The following NCAM1 variants were observed in gnomAD, a reference collection of about 807,000 sequenced individuals.
NCAM1 encodes neural cell adhesion molecule 1, also known as antigen recognized by monoclonal antibody 5.1H11.
NCAM1 carries 14 observed loss-of-function variants against 109.8 expected under a neutral mutation model. The observed-to-expected ratio is 0.13, with a 90% CI of 0.08 to 0.20. The LOEUF (loss-of-function observed/expected upper bound fraction) is 0.20. NCAM1 is among the 10% of genes least tolerant of loss of function. The pLI, the probability that NCAM1 is intolerant of heterozygous loss-of-function variation, is 1.00. For missense variants in NCAM1, 774 were observed against 1,109.9 expected (o/e 0.70, Z 4.30); for synonymous variants, 418 against 442.9 (o/e 0.94, Z 0.70).
At chr11:113,244,658 T>C (rs61902541) in intron 14 of NCAM1, among the ~76,000 whole-genome samples, 11 of 7,484 alleles carry the variant, frequency 1.5e-3, no homozygotes, top group East Asian at 7.5e-3. Flanking sequence ...TGTGTGCGTG[T>C]GTGTGTGTGT....
intron 1 of NCAM1, among the ~76,000 whole-genome samples, chr11:113,091,958 T>C (rs1463826164): frequency 2.6e-5 from 4 of 151,992 alleles, no homozygotes; most frequent in Non-Finnish European, 5.9e-5. Flanking sequence ...CAATTCTTTC[T>C]TAAGTAAAGA....
At chr11:113,039,632 A>G (rs563119614) in intron 1 of NCAM1, among the ~76,000 whole-genome samples, 1 of 152,250 alleles carries the variant, frequency 6.6e-6, no homozygotes, top group African/African-American at 2.4e-5. Flanking sequence ...TCAGCGTCAG[A>G]CCCTGGAGAA....
At chr11:113,104,061 T>G (rs1334843147) in intron 1 of NCAM1, among the ~76,000 whole-genome samples, 1 of 151,998 alleles carries the variant, frequency 6.6e-6, no homozygotes, top group East Asian at 1.9e-4. Flanking sequence ...CAAGTCCCCT[T>G]CTGATCTCTT....
chr11:113,215,359 G>T (rs961954554), intron 8 of NCAM1, among the ~76,000 whole-genome samples: 1 of 152,138 alleles, frequency 6.6e-6, no homozygotes, highest in Admixed American at 6.5e-5. Flanking sequence ...GTAGTAATGG[G>T]CTTTGTTTTA....
rs1555126373 is a variant in NCAM1 at position 113,275,375 on chromosome 11, G to A, written c.2565G>A (p.Glu855=). The A allele has an allele frequency of 1.9e-6, 3 of 1,612,900 alleles. No homozygotes were observed. The Admixed American group carries it at 5.0e-5, about 27-fold the overall frequency. ...ACGCCACACAGACAAAGGAGAACGA[G>A]AGCAAAGCATGATGGGTGAAGAGAA... The part of the protein sequence containing the change: ...PNDATQTKEN[E]SKA The change falls in exon 20 of 20, where the codon GAG becomes GAA. Residue 855 remains glutamate, a synonymous_variant. Coordinates refer to ENST00000316851, the MANE Select transcript of NCAM1 (RefSeq NM_181351.5).
intron 1 of NCAM1, among the ~76,000 whole-genome samples, chr11:113,065,846 A>G (rs1372616560): frequency 1.3e-5 from 2 of 152,252 alleles, no homozygotes; most frequent in African/African-American, 2.4e-5. Context: ...ATATTGGTTC[A>G]TTAATTACAA....
At chr11:113,053,314 G>A (rs2135420605) in intron 1 of NCAM1, among the ~76,000 whole-genome samples, 1 of 152,258 alleles carries the variant, frequency 6.6e-6, no homozygotes, top group Non-Finnish European at 1.5e-5. Flanking sequence ...ATCACTGATG[G>A]GCATTTGGGT....
chr11:112,967,569 G>T (rs1167343181), intron 1 of NCAM1, among the ~76,000 whole-genome samples: 1 of 152,164 alleles, frequency 6.6e-6, no homozygotes, highest in Non-Finnish European at 1.5e-5. Flanking sequence ...ATGCCTACTT[G>T]TTAGAGTTAT....
At chr11:113,116,392 G>A (rs114321917) in intron 1 of NCAM1, among the ~76,000 whole-genome samples, 1 of 152,138 alleles carries the variant, frequency 6.6e-6, no homozygotes, top group Non-Finnish European at 1.5e-5. Flanking sequence ...AGGCTGCAGT[G>A]CTTTCTCCAA....
chr11:113,041,025 G>A (rs1953055507), intron 1 of NCAM1: 2 of 152,132 alleles, frequency 1.3e-5, no homozygotes, highest in Non-Finnish European at 1.5e-5. Context: ...GAAATAGCAT[G>A]GCATAGTTTC....
At chr11:113,022,239 G>A (rs1952409126) in intron 1 of NCAM1, among the ~76,000 whole-genome samples, 1 of 152,154 alleles carries the variant, frequency 6.6e-6, no homozygotes. Context: ...TCATGGTTTA[G>A]AGAGCCATAC....
chr11:113,052,656 A>C (rs1953547006), intron 1 of NCAM1, among the ~76,000 whole-genome samples: 1 of 152,204 alleles, frequency 6.6e-6, no homozygotes, highest in Non-Finnish European at 1.5e-5. Context: ...AGTGTAAAAA[A>C]AATTTTGTGA....
chr11:113,006,059 C>T (rs1951887121), intron 1 of NCAM1, among the ~76,000 whole-genome samples: 1 of 152,144 alleles, frequency 6.6e-6, no homozygotes, highest in Non-Finnish European at 1.5e-5. Flanking sequence ...TATCATATTG[C>T]TCCTGGCTAA....
chr11:113,007,042 G>A (rs1403056802), intron 1 of NCAM1, among the ~76,000 whole-genome samples: 1 of 152,146 alleles, frequency 6.6e-6, no homozygotes, highest in East Asian at 1.9e-4. Flanking sequence ...ACAGAAATTC[G>A]AAACCTGCTC....
intron 17 of NCAM1, among the ~76,000 whole-genome samples, chr11:113,269,231 GTC>G (rs543181208): frequency 4.6e-5 from 7 of 152,210 alleles, no homozygotes; most frequent in African/African-American, 1.7e-4. Flanking sequence ...CTGAGTCCAG[GTC>G]TCTCTGTGAA....
intron 17 of NCAM1, chr11:113,263,996 GC>G: frequency 1.0e-6 from 1 of 985,390 alleles, no homozygotes; most frequent in Non-Finnish European, 1.2e-6. Flanking sequence ...AAATCCAGCT[GC>G]TCCTCCCTGC....
At chr11:112,965,855 C>T (rs995168182) in intron 1 of NCAM1, among the ~76,000 whole-genome samples, 3 of 152,070 alleles carry the variant, frequency 2.0e-5, no homozygotes, top group African/African-American at 4.8e-5. Flanking sequence ...TGCTAAAGAA[C>T]GGGTTGCACT....
intron 19 of NCAM1, among the ~76,000 whole-genome samples, chr11:113,272,762 G>A (rs537561844): frequency 7.2e-5 from 11 of 152,216 alleles, no homozygotes; most frequent in South Asian, 2.1e-4. Context: ...CCACCTGGGC[G>A]TGTGCTTCCT....
rs1244832024 is a variant in NCAM1, at chr11:113,231,149, T to C, written c.1090-496T>C. On this transcript the variant is annotated intron_variant, in intron 9 of 19. Coordinates refer to ENST00000316851, the MANE Select transcript of NCAM1 (RefSeq NM_181351.5). ...AAGAGGCATCTGCAGAAATAAGGATTTCTTTAATAATTTCTTATGTTGGGC... is the reference window on the plus strand; with the variant it reads ...AAGAGGCATCTGCAGAAATAAGGATCTCTTTAATAATTTCTTATGTTGGGC... The C allele has an allele frequency of 2.0e-6, 3 of 1,496,468 alleles. No individual in the cohort carries two copies. In the South Asian group the frequency reaches 3.7e-5, roughly 18 times the overall value. 92.7% of individuals were successfully genotyped at this position (1,496,468 alleles called of 1,614,324 possible).
Sources: gnomAD v4.1 joint callset for allele counts (sites outside exome capture counted in the v4.1 genomes callset) on GRCh38, gnomAD v4.1.1 for gene constraint, MANE v1.5 for transcripts, NCBI Gene and HGNC (gene_info 2026-07-23, HGNC 2026-07-21) for gene names.